RANBP9: variants seen among roughly 807,000 people sequenced by gnomAD.
RANBP9 encodes the protein RAN binding protein 9.
Under a neutral mutation model 84.3 loss-of-function variants are expected in RANBP9, and 15 were observed. The observed-to-expected ratio is 0.18, with a 90% CI of 0.12 to 0.27. The LOEUF (loss-of-function observed/expected upper bound fraction) is 0.27. Among genes scored for constraint, RANBP9 ranks in the 10% least tolerant of loss-of-function variants. The pLI is 1.00. For synonymous variants in RANBP9, 392 were observed against 349.6 expected (o/e 1.12, Z -1.35); for missense variants, 809 against 912.8 (o/e 0.89, Z 1.46).
At chr6:13,632,549 C>T in intron 11 of RANBP9, 28 bp from the exon 12 acceptor site, 1 of 1,592,212 alleles carries the variant, frequency 6.3e-7, no homozygotes, top group Non-Finnish European at 8.6e-7. Context: ...AAGTATTTTA[C>T]TACCTTATGG....
In RANBP9 at chr6:13,711,044, G is replaced by A. The variant is rs202075943; in HGVS notation, c.462C>T (p.Leu154=). The A allele has an allele frequency of 1.7e-5, 27 of 1,593,164 alleles. No individual in the cohort carries two copies. Among genetic ancestry groups the A allele is most frequent in the Middle Eastern group, 1.7e-4 (1 of 6,038 alleles). ...EKELQRRLKR[L]YPAVDEQETP... Reference sequence around the variant, plus strand: ...TCTCTTGTTCGTCCACGGCCGGGTAGAGACGCTTCAGCCGCCGCTGCAACT... The same window carrying A: ...TCTCTTGTTCGTCCACGGCCGGGTAAAGACGCTTCAGCCGCCGCTGCAACT... Residue 154 remains leucine (L), a synonymous_variant, in exon 1 of 14, where the codon CTC becomes CTT. Coordinates refer to ENST00000011619, the MANE Select transcript of RANBP9 (RefSeq NM_005493.3).
intron 12 of RANBP9, among the ~76,000 whole-genome samples, chr6:13,628,136 T>C (rs983018790): frequency 6.6e-6 from 1 of 152,258 alleles, no homozygotes; most frequent in Non-Finnish European, 1.5e-5. Context: ...GTTGTTATCA[T>C]GTCTATCATC....
intron 2 of RANBP9, among the ~76,000 whole-genome samples, chr6:13,683,970 A>C (rs1013238026): frequency 6.6e-6 from 1 of 152,134 alleles, no homozygotes. Context: ...TCTCCACCAA[A>C]AATGTGGCTC....
At chr6:13,658,322 C>T (rs1212668415) in intron 3 of RANBP9, among the ~76,000 whole-genome samples, 1 of 152,130 alleles carries the variant, frequency 6.6e-6, no homozygotes, top group Non-Finnish European at 1.5e-5. Context: ...AAAAACCGCT[C>T]AGCAGGCTGG....
intron 2 of RANBP9, among the ~76,000 whole-genome samples, chr6:13,683,210 G>C (rs1352884623): frequency 1.3e-5 from 2 of 152,120 alleles, no homozygotes; most frequent in Non-Finnish European, 2.9e-5. Context: ...AAAAGGTCTA[G>C]GACCAACAGA....
chr6:13,679,512 G>C (rs557354253), intron 2 of RANBP9, among the ~76,000 whole-genome samples: 3 of 152,230 alleles, frequency 2.0e-5, no homozygotes, highest in Non-Finnish European at 4.4e-5. Flanking sequence ...TAAATGTTAA[G>C]GAAAATAATC....
rs1344809089 is a variant in RANBP9 at position 13,622,289 on chromosome 6, A to C, written c.*73T>G. On this transcript the variant is annotated 3_prime_UTR_variant, in exon 14 of 14. Coordinates refer to ENST00000011619, the MANE Select transcript of RANBP9 (RefSeq NM_005493.3). ...ACATAATTTAAAAAATCTAAATTTC[A>C]AATCAGCAGAGCTGGTCTACTTCCA... 7 of 1,347,720 alleles carry C rather than the reference A, an allele frequency of 5.2e-6. No homozygotes were observed. Among genetic ancestry groups the C allele is most frequent in the Non-Finnish European group, 6.8e-6 (7 of 1,035,504 alleles). The allele number at this position is 1,347,720 out of a possible 1,614,324, so 83.5% of individuals were successfully genotyped here.
At chr6:13,673,298 A>G (rs2113312462) in intron 2 of RANBP9, among the ~76,000 whole-genome samples, 1 of 152,342 alleles carries the variant, frequency 6.6e-6, no homozygotes, top group East Asian at 1.9e-4. Flanking sequence ...GCATCCAGAG[A>G]AATTATCCCT....
chr6:13,692,979 A>T (rs1167075602), intron 2 of RANBP9, among the ~76,000 whole-genome samples: 2 of 152,276 alleles, frequency 1.3e-5, no homozygotes, highest in Non-Finnish European at 1.5e-5. Context: ...TATAGAAATT[A>T]AAATAGTCCC....
At chr6:13,685,948 A>G (rs1766165587) in intron 2 of RANBP9, among the ~76,000 whole-genome samples, 1 of 151,878 alleles carries the variant, frequency 6.6e-6, no homozygotes, top group Non-Finnish European at 1.5e-5. Flanking sequence ...AAAAAAGAGT[A>G]TAACTAAGCT....
intron 10 of RANBP9, among the ~76,000 whole-genome samples, chr6:13,636,696 A>G (rs992895841): frequency 3.3e-5 from 5 of 152,346 alleles, no homozygotes; most frequent in East Asian, 3.9e-4. Flanking sequence ...ATTTTCCAAT[A>G]TATCACCTCT....
At chr6:13,651,869 T>A (rs896952821) in intron 5 of RANBP9, among the ~76,000 whole-genome samples, 1 of 152,068 alleles carries the variant, frequency 6.6e-6, no homozygotes, top group African/African-American at 2.4e-5. Context: ...CCCAACCCCA[T>A]TATTATCTCT....
chr6:13,711,119 G>T lies in RANBP9; in HGVS notation c.387C>A (p.Ala129=). 1 of 1,549,582 alleles carries T rather than the reference G, an allele frequency of 6.5e-7. No individual in the cohort carries two copies. Among genetic ancestry groups the T allele is most frequent in the Non-Finnish European group, 8.7e-7 (1 of 1,148,594 alleles). ...PTPALVAGSS[A]AAPFPHGDSA... is the part of the protein sequence containing the mutation. ...AGTCCCCGTGAGGGAAGGGGGCCGC[G>T]GCGCTGCTGCCCGCCACCAGAGCTG... The change falls in exon 1 of 14, where the codon GCC becomes GCA. Residue 129 remains alanine, a synonymous_variant. Transcript: ENST00000011619.
intron 12 of RANBP9, among the ~76,000 whole-genome samples, chr6:13,631,971 C>A (rs1046903176): frequency 1.3e-5 from 2 of 152,142 alleles, no homozygotes; most frequent in Non-Finnish European, 2.9e-5. Context: ...ACAACATTTA[C>A]TAAAATGAGA....
In RANBP9 at chr6:13,622,228, G is replaced by T; in HGVS notation, c.*134C>A. 1.1e-6 allele frequency: 1 copy of T among 872,498 alleles called. No homozygotes were observed. Among genetic ancestry groups the T allele is most frequent in the Non-Finnish European group, 1.6e-6 (1 of 640,002 alleles). The allele number at this position is 872,498 out of a possible 1,614,324, so 54.0% of individuals were successfully genotyped here. ...ATCATTTGCATCATGCTGTAAACTA[G>T]GAAGCAATGTAAAGCGACAAAAACC... On this transcript the variant is annotated 3_prime_UTR_variant, in exon 14 of 14. Coordinates refer to ENST00000011619, the MANE Select transcript of RANBP9 (RefSeq NM_005493.3).
chr6:13,696,263 C>A (rs535178088), intron 2 of RANBP9, among the ~76,000 whole-genome samples: 1 of 152,216 alleles, frequency 6.6e-6, no homozygotes, highest in East Asian at 1.9e-4. Context: ...AGCTGAAAAG[C>A]AATGATATAA....
chr6:13,656,103 T>C (rs905487119), intron 4 of RANBP9, among the ~76,000 whole-genome samples: 1 of 152,190 alleles, frequency 6.6e-6, no homozygotes, highest in Non-Finnish European at 1.5e-5. Context: ...TAAAAGAGTA[T>C]TGCCAATGCA....
At position 13,711,233 on chromosome 6, in the gene RANBP9, G is replaced by T; in HGVS notation, c.273C>A (p.Pro91=). ...APPPPPPPPP[P]PASAAAPASG... Reference sequence around the variant, plus strand: ...TGGCGGGGGCAGCCGCTGAGGCAGGGGGAGGCGGGGGCGGCGGCGGGGGCG... The same window carrying T: ...TGGCGGGGGCAGCCGCTGAGGCAGGTGGAGGCGGGGGCGGCGGCGGGGGCG... The change falls in exon 1 of 14, where the codon CCC becomes CCA. Residue 91 remains proline, a synonymous_variant. Transcript: ENST00000011619. The T allele has an allele frequency of 9.9e-7, 1 of 1,011,278 alleles. No individual in the cohort carries two copies. Among genetic ancestry groups the T allele is most frequent in the South Asian group, 4.5e-5 (1 of 22,274 alleles). The allele number at this position is 1,011,278 out of a possible 1,614,324, so 62.6% of individuals were successfully genotyped here.
intron 12 of RANBP9, among the ~76,000 whole-genome samples, chr6:13,626,505 T>C (rs1317692225): frequency 6.6e-6 from 1 of 152,224 alleles, no homozygotes; most frequent in Admixed American, 6.5e-5. Context: ...AGAGGCCCTA[T>C]TTCCTAGATT....
Sources: gnomAD v4.1 joint callset for allele counts (sites outside exome capture counted in the v4.1 genomes callset) on GRCh38, gnomAD v4.1.1 for gene constraint, MANE v1.5 for transcripts, NCBI Gene and HGNC (gene_info 2026-07-23, HGNC 2026-07-21) for gene names.